NRXN3: variants seen among roughly 807,000 people sequenced by gnomAD.
The protein encoded by NRXN3 is neurexin III.
NRXN3 carries 32 observed loss-of-function variants against 137.6 expected under a neutral mutation model. That is an observed-to-expected ratio of 0.23 (90% CI 0.18 to 0.31). The LOEUF is 0.31. NRXN3 is among the 10% of genes least tolerant of loss of function. The pLI is 1.00. For missense variants in NRXN3, 1,574 were observed against 2,062.5 expected, an observed-to-expected ratio of 0.76 and a Z score of 4.59; for synonymous variants, 798 against 784.5, an observed-to-expected ratio of 1.02 and a Z score of -0.29.
At chr14:78,583,661 C>G (rs2097028080) in intron 4 of NRXN3, among the ~76,000 whole-genome samples, 1 of 152,146 alleles carries the variant, frequency 6.6e-6, no homozygotes, top group Admixed American at 6.6e-5. Context: ...AGAGTTGATT[C>G]TGGGTATGTC....
Position 79,171,389 on chromosome 14 carries a change from T to C in NRXN3, c.3262+183248T>C, listed in dbSNP as rs1451411466. Among the ~76,000 whole-genome samples the C allele has an allele frequency of 2.0e-5, 3 of 152,130 alleles. No homozygotes were observed. In the East Asian group the frequency reaches 5.8e-4, roughly 29 times the overall value. Reference sequence around the variant, plus strand: ...TTATAAGAGTACGTGTATACAGTAGTTGAAATGAGTGCCCAGAAATCTTCC... The same window carrying C: ...TTATAAGAGTACGTGTATACAGTAGCTGAAATGAGTGCCCAGAAATCTTCC... On this transcript the variant is annotated intron_variant, in intron 15 of 20. Transcript: ENST00000335750.
intron 15 of NRXN3, among the ~76,000 whole-genome samples, chr14:79,359,776 G>A (rs2093620654): frequency 6.6e-6 from 1 of 151,230 alleles, no homozygotes; most frequent in African/African-American, 2.4e-5. Flanking sequence ...TCACCATGTT[G>A]AGCAGAGCAA....
chr14:79,007,633 G>A (rs574561536), intron 15 of NRXN3, among the ~76,000 whole-genome samples: 6 of 151,496 alleles, frequency 4.0e-5, no homozygotes, highest in South Asian at 2.1e-4. Context: ...GTGAAACCCC[G>A]TCTCTACTAA....
intron 19 of NRXN3, among the ~76,000 whole-genome samples, chr14:79,768,127 C>A (rs1469430077): frequency 8.5e-5 from 13 of 152,330 alleles, no homozygotes; most frequent in Admixed American, 8.5e-4. Context: ...GTCCTACGCC[C>A]ACGGAGTCTC....
intron 19 of NRXN3, among the ~76,000 whole-genome samples, chr14:79,699,627 AAGTC>A (rs2098747571): frequency 6.6e-6 from 1 of 152,158 alleles, no homozygotes; most frequent in Admixed American, 6.6e-5. Context: ...CAAATTAAGA[AAGTC>A]AGAACTTTGG....
intron 15 of NRXN3, among the ~76,000 whole-genome samples, chr14:79,224,180 T>C (rs575860180): frequency 6.6e-6 from 1 of 152,212 alleles, no homozygotes; most frequent in African/African-American, 2.4e-5. Context: ...CCTATGGTGA[T>C]TGTAGAAAGA....
chr14:79,422,537 CCT>C (rs1401117236), intron 15 of NRXN3, among the ~76,000 whole-genome samples: 1 of 151,984 alleles, frequency 6.6e-6, no homozygotes, highest in African/African-American at 2.4e-5. Flanking sequence ...GGGATATTTC[CCT>C]CTCACATTAG....
intron 15 of NRXN3, among the ~76,000 whole-genome samples, chr14:79,177,339 C>G (rs1170050282): frequency 6.6e-6 from 1 of 152,136 alleles, no homozygotes; most frequent in East Asian, 1.9e-4. Context: ...CTCCCGACTT[C>G]AAGTTTTTCA....
chr14:78,927,149 T>TCTCTTGAGAA, intron 10 of NRXN3, among the ~76,000 whole-genome samples: 1 of 65,662 alleles, frequency 1.5e-5, no homozygotes, highest in South Asian at 4.6e-4. Flanking sequence ...AGTGAGACCC[T>TCTCTTGAGAA]CAAAAAAAAA....
chr14:79,069,157 A>T (rs1323185562), intron 15 of NRXN3, among the ~76,000 whole-genome samples: 1 of 152,106 alleles, frequency 6.6e-6, no homozygotes, highest in East Asian at 1.9e-4. Flanking sequence ...ATGAAATGGC[A>T]GCAAGAGAAC....
At chr14:78,182,533 G>T (rs1434192278) in intron 1 of NRXN3, among the ~76,000 whole-genome samples, 3 of 152,170 alleles carry the variant, frequency 2.0e-5, no homozygotes, top group Non-Finnish European at 4.4e-5. Context: ...GCAATGGCGC[G>T]ATCTTGGCTC....
Position 78,516,394 on chromosome 14 carries a change from A to G in NRXN3, c.758-128726A>G, listed in dbSNP as rs535341854. Among the ~76,000 whole-genome samples the G allele has an allele frequency of 1.6e-3, 234 of 148,992 alleles. 2 individuals carry two copies. The highest frequency in any genetic ancestry group is 2.8e-3 in the Non-Finnish European group (187 of 67,548). On this transcript the variant is annotated intron_variant, in intron 4 of 20. Transcript: ENST00000335750. ...TTGGGGCTAGGCTGAGCAGCAGAGG[A>G]GAGATTGGCTGTGGAGAGTATAGAT... is the stretch of plus-strand genomic sequence containing the variant.
chr14:78,920,415 T>C (rs1293820297), intron 10 of NRXN3, among the ~76,000 whole-genome samples: 1 of 152,366 alleles, frequency 6.6e-6, no homozygotes, highest in East Asian at 1.9e-4. Flanking sequence ...AGTATAAATT[T>C]TGATTTTCTG....
Position 79,332,926 on chromosome 14 carries a change from T to C in NRXN3, c.3263-134295T>C, listed in dbSNP as rs1326405224. Among the ~76,000 whole-genome samples the C allele has an allele frequency of 2.0e-5, 3 of 152,154 alleles. No individual in the cohort carries two copies. The East Asian group carries it at 5.8e-4, about 29-fold the overall frequency. Reference sequence around the variant, plus strand: ...TGATACATTGTAATGACCACCCTTTTCTCTGTTCTCTAACGTTGTATCCCA... The same window carrying C: ...TGATACATTGTAATGACCACCCTTTCCTCTGTTCTCTAACGTTGTATCCCA... On this transcript the variant is annotated intron_variant, in intron 15 of 20. Coordinates refer to ENST00000335750, the MANE Select transcript of NRXN3 (RefSeq NM_001330195.2).
intron 16 of NRXN3, among the ~76,000 whole-genome samples, chr14:79,592,711 G>T (rs1467593760): frequency 6.6e-6 from 1 of 152,148 alleles, no homozygotes; most frequent in Admixed American, 6.5e-5. Context: ...AAAACAATTT[G>T]ACTGAGACTT....
chr14:79,274,604 T>G (rs2079974160), intron 15 of NRXN3, among the ~76,000 whole-genome samples: 1 of 147,422 alleles, frequency 6.8e-6, no homozygotes, highest in African/African-American at 2.6e-5. Context: ...AATTAAGCCC[T>G]GCCTTTGAGT....
At chr14:78,245,585 G>A (rs1296306057) in intron 2 of NRXN3, among the ~76,000 whole-genome samples, 1 of 152,194 alleles carries the variant, frequency 6.6e-6, no homozygotes, top group Non-Finnish European at 1.5e-5. Context: ...CCTAAAGCAG[G>A]TTGTGCTTGA....
intron 4 of NRXN3, among the ~76,000 whole-genome samples, chr14:78,302,677 T>A (rs1284385482): frequency 6.6e-6 from 1 of 152,258 alleles, no homozygotes; most frequent in East Asian, 1.9e-4. Context: ...TCAACCTTCA[T>A]GTCATCTGCC....
intron 8 of NRXN3, among the ~76,000 whole-genome samples, chr14:78,747,583 T>A (rs1477919607): frequency 6.6e-6 from 1 of 152,226 alleles, no homozygotes; most frequent in Non-Finnish European, 1.5e-5. Context: ...TCTTCTTATT[T>A]GAACTAAGAA....
Sources: allele counts gnomAD v4.1 joint callset (sites outside exome capture counted in the v4.1 genomes callset), GRCh38; gene constraint gnomAD v4.1.1; transcripts MANE v1.5; gene names NCBI Gene and HGNC (gene_info 2026-07-23, HGNC 2026-07-21).